The following KCNN3 variants were observed in gnomAD, a reference collection of about 807,000 sequenced individuals.
The protein encoded by KCNN3 is small conductance calcium-activated potassium channel protein 3.
A neutral mutation model predicts 62.9 loss-of-function variants in KCNN3; 16 were observed. The ratio of observed to expected loss-of-function variants is 0.25; its 90% CI spans 0.17 to 0.39. The LOEUF is 0.39. KCNN3 is among the 10% of genes least tolerant of loss of function. The pLI is 1.00. For missense variants in KCNN3, 599 were observed against 949.4 expected, an observed-to-expected ratio of 0.63 and a Z score of 4.85; for synonymous variants, 370 against 389.2, an observed-to-expected ratio of 0.95 and a Z score of 0.58.
rs1363677459 is a variant in KCNN3 at position 154,772,261 on chromosome 1, C to G, written c.1162G>C (p.Ala388Pro). 2 of 1,614,216 alleles carry G rather than the reference C, an allele frequency of 1.2e-6. No homozygotes were observed. Among genetic ancestry groups the G allele is most frequent in the Non-Finnish European group, 1.7e-6 (2 of 1,180,034 alleles). Residue 388 changes from alanine to proline, a missense_variant, in exon 3 of 8, where the codon GCA becomes CCA. Physicochemically the swap from Ala to Pro is conservative, Grantham distance 27 (BLOSUM62 -1). Coordinates refer to ENST00000271915, the MANE Select transcript of KCNN3 (RefSeq NM_002249.6). The surrounding 1 kb of genome is among the most constrained non-coding windows in gnomAD (Gnocchi z 5.6). The part of the protein sequence containing the change: ...IPGEYKFFWT[A>P]RLAFSYTPSR... ...GGTGTGTAGGAGAAGGCCAGGCGTG[C>G]CGTCCAGAAGAACTTGTACTCGCCA...
chr1:154,712,233 A>G (rs952205872), intron 7 of KCNN3, among the ~76,000 whole-genome samples: 5 of 152,134 alleles, frequency 3.3e-5, no homozygotes, highest in Admixed American at 6.5e-5. Flanking sequence ...TATCCTTAGA[A>G]TAGATTTCTC....
At chr1:154,708,369 G>A in intron 7 of KCNN3, 97 bp from the exon 8 acceptor site, 1 of 1,230,526 alleles carries the variant, frequency 8.1e-7, no homozygotes, top group Non-Finnish European at 1.2e-6. Flanking sequence ...AGTATGACAG[G>A]AGCCACTTCC....
chr1:154,827,137 T>G (rs1651170622), intron 1 of KCNN3, among the ~76,000 whole-genome samples: 1 of 152,250 alleles, frequency 6.6e-6, no homozygotes, highest in Admixed American at 6.5e-5. Flanking sequence ...GGGAAATAAT[T>G]GATTTAGAAA....
rs1343833538 is a variant in KCNN3, at chr1:154,704,407, G to A, written c.*3569C>T. On this transcript the variant is annotated 3_prime_UTR_variant, in exon 8 of 8. Transcript: ENST00000271915. ...TATATGTGGCCTTTGATCCAAAGGT[G>A]AAGACTTTTATTTGGACTTCAATCT... is the stretch of plus-strand genomic sequence containing the variant. 6.6e-6 allele frequency: 1 copy of A among 152,198 alleles called. No homozygotes were observed. Among genetic ancestry groups the A allele is most frequent in the Non-Finnish European group, 1.5e-5 (1 of 68,040 alleles). The allele number at this position is 152,198 out of a possible 1,614,324, so 9.4% of individuals were successfully genotyped here. A position where few individuals can be genotyped will look rare whatever the true frequency, so the allele number is the denominator to read the frequency against.
chr1:154,773,689 G>T (rs1450487215), intron 2 of KCNN3, among the ~76,000 whole-genome samples: 1 of 152,230 alleles, frequency 6.6e-6, no homozygotes, highest in Non-Finnish European at 1.5e-5. Context: ...TCTATGTTGA[G>T]CCACTTCCCA....
chr1:154,823,106 T>G (rs1363368983), intron 1 of KCNN3, among the ~76,000 whole-genome samples: 2 of 152,224 alleles, frequency 1.3e-5, no homozygotes, highest in African/African-American at 4.8e-5. Flanking sequence ...CCCAGAACAG[T>G]GCCTGGCCAA....
At chr1:154,760,100 C>T (rs531144268) in intron 3 of KCNN3, among the ~76,000 whole-genome samples, 1 of 151,998 alleles carries the variant, frequency 6.6e-6, no homozygotes, top group East Asian at 1.9e-4. Flanking sequence ...GCAACCTCCG[C>T]CTCTCAGGTT....
chr1:154,869,723 GGCTGCTGCTGCTGCTGCT>G lies in KCNN3; in HGVS notation c.224_241del (p.Gln75_Gln80del), dbSNP rs3831942. ...GGCGAGCTGAGACAGGGGATGCGGT[GGCTGCTGCTGCTGCTGCT>G]GCTGCTGCTGCTGCTGCTGCTGCTG... On this transcript the variant is annotated inframe_deletion, in exon 1 of 8. Transcript: ENST00000271915. The surrounding 1 kb of genome is among the most constrained non-coding windows in gnomAD (Gnocchi z 6.1). 92 of 1,506,512 alleles carry G rather than the reference GGCTGCTGCTGCTGCTGCT, an allele frequency of 6.1e-5. 1 individual carries two copies. In the Middle Eastern group the frequency reaches 8.5e-4, roughly 14 times the overall value. The allele number at this position is 1,506,512 out of a possible 1,614,324, so 93.3% of individuals were successfully genotyped here. A position where few individuals can be genotyped will look rare whatever the true frequency, so the allele number is the denominator to read the frequency against.
At chr1:154,712,748 C>G (rs1700105571) in intron 7 of KCNN3, among the ~76,000 whole-genome samples, 1 of 152,212 alleles carries the variant, frequency 6.6e-6, no homozygotes, top group East Asian at 1.9e-4. Context: ...GTGGCACCGA[C>G]TCTCAGCTCT....
chr1:154,782,020 G>A (rs550070419), intron 2 of KCNN3, among the ~76,000 whole-genome samples: 3 of 152,334 alleles, frequency 2.0e-5, no homozygotes, highest in South Asian at 4.1e-4. Context: ...GCAAAGGTAT[G>A]CATTACAGAG....
chr1:154,785,042 T>A (rs1005725840), intron 2 of KCNN3, among the ~76,000 whole-genome samples: 1 of 152,232 alleles, frequency 6.6e-6, no homozygotes, highest in African/African-American at 2.4e-5. Flanking sequence ...TGTTTCTGGT[T>A]CTTTGTGTGC....
At chr1:154,811,639 G>A (rs867009077) in intron 2 of KCNN3, among the ~76,000 whole-genome samples, 6 of 152,078 alleles carry the variant, frequency 3.9e-5, no homozygotes, top group East Asian at 3.9e-4. Context: ...AAGGTAAATC[G>A]GGGCAGTTCA....
At chr1:154,858,607 T>C (rs1553241076) in intron 1 of KCNN3, among the ~76,000 whole-genome samples, 1 of 152,128 alleles carries the variant, frequency 6.6e-6, no homozygotes, top group Non-Finnish European at 1.5e-5. Context: ...ACAGTGGGTG[T>C]TCAGGATATG....
At chr1:154,765,208 C>A (rs896023239) in intron 3 of KCNN3, among the ~76,000 whole-genome samples, 5 of 152,204 alleles carry the variant, frequency 3.3e-5, no homozygotes, top group Non-Finnish European at 5.9e-5. Flanking sequence ...CTCTGATCTA[C>A]CATCCCCACA....
chr1:154,749,832 G>A (rs1647278387), intron 3 of KCNN3, among the ~76,000 whole-genome samples: 1 of 152,140 alleles, frequency 6.6e-6, no homozygotes, highest in Non-Finnish European at 1.5e-5. Flanking sequence ...CTGACCCGGG[G>A]TCCCCACGGC....
intron 2 of KCNN3, among the ~76,000 whole-genome samples, chr1:154,815,857 T>C (rs1453312870): frequency 1.3e-5 from 2 of 152,180 alleles, no homozygotes; most frequent in African/African-American, 4.8e-5. Context: ...CTGTCTGTTC[T>C]TTCAGGGGAA....
chr1:154,840,875 G>A (rs912541716), intron 1 of KCNN3, among the ~76,000 whole-genome samples: 4 of 152,132 alleles, frequency 2.6e-5, no homozygotes, highest in South Asian at 2.1e-4. Context: ...CGCCCTCCCC[G>A]GATCCCCCAG....
At chr1:154,859,525 A>G (rs989637826) in intron 1 of KCNN3, among the ~76,000 whole-genome samples, 11 of 152,204 alleles carry the variant, frequency 7.2e-5, no homozygotes, top group African/African-American at 2.4e-4. Flanking sequence ...AGGAAAACCA[A>G]CGGTGGCAGA....
At position 154,701,322 on chromosome 1, in the gene KCNN3, A is replaced by G. The variant is rs1209540567; in HGVS notation, c.*6654T>C. ...GGCTCAGTTAATCTGCCCCGATGCA[A>G]CCTGGTTTGCACCTGTACAATATTG... On this transcript the variant is annotated 3_prime_UTR_variant, in exon 8 of 8. Transcript: ENST00000271915. The G allele has an allele frequency of 6.6e-6, 1 of 152,210 alleles. No individual in the cohort carries two copies. The highest frequency in any genetic ancestry group is 1.5e-5 in the Non-Finnish European group (1 of 68,038). 9.4% of individuals were successfully genotyped at this position (152,210 alleles called of 1,614,324 possible). A position where few individuals can be genotyped will look rare whatever the true frequency, so the allele number is the denominator to read the frequency against.
Sources: gnomAD v4.1 joint callset for allele counts (sites outside exome capture counted in the v4.1 genomes callset) on GRCh38, gnomAD v4.1.1 for gene constraint, Gnocchi (gnomAD v3.1) non-coding constraint, MANE v1.5 for transcripts, NCBI Gene and HGNC (gene_info 2026-07-23, HGNC 2026-07-21) for gene names.